ABI3BP: variants seen among roughly 807,000 people sequenced by gnomAD.
ABI3BP encodes the protein ABI family member 3 binding protein.
In ABI3BP, 216 loss-of-function variants were observed where a neutral mutation model predicts 268.6. The ratio of observed to expected loss-of-function variants is 0.80; its 90% confidence interval spans 0.72 to 0.90. The LOEUF (loss-of-function observed/expected upper bound fraction) is 0.90, where lower values mean the gene tolerates loss of function less well. Ranked by LOEUF, ABI3BP falls within the 40% of genes least tolerant of loss-of-function variation. ABI3BP has a pLI of 0.00. For missense variants in ABI3BP, 2,090 were observed against 2,182.4 expected, an observed-to-expected ratio of 0.96 and a Z score of 0.84; for synonymous variants, 730 against 730.0, an observed-to-expected ratio of 1.00 and a Z score of 0.00.
At chr3:100,775,081 C>T in intron 60 of ABI3BP, 126 bp downstream of exon 60, 1 of 1,113,754 alleles carries the variant, frequency 9.0e-7, no homozygotes, top group Non-Finnish European at 1.3e-6. Context: ...TTAAAAACAA[C>T]CATATTAATC....
At chr3:100,845,196 T>A (rs1390475965) in intron 20 of ABI3BP, among the ~76,000 whole-genome samples, 1 of 152,224 alleles carries the variant, frequency 6.6e-6, no homozygotes, top group Admixed American at 6.5e-5. Flanking sequence ...GATTTTTAAA[T>A]AAGTGTGTAT....
chr3:100,892,270 A>T (rs2045075163), intron 4 of ABI3BP, among the ~76,000 whole-genome samples: 1 of 152,220 alleles, frequency 6.6e-6, no homozygotes. Context: ...GGTATACTCC[A>T]GATGTGAGAT....
intron 1 of ABI3BP, among the ~76,000 whole-genome samples, chr3:100,945,212 T>A (rs1289221218): frequency 1.3e-5 from 2 of 152,142 alleles, no homozygotes; most frequent in African/African-American, 2.4e-5. Flanking sequence ...AGATAATTTT[T>A]TCACAGGTCT....
chr3:100,818,040 T>C (rs906625959), intron 41 of ABI3BP, among the ~76,000 whole-genome samples: 6 of 152,224 alleles, frequency 3.9e-5, no homozygotes, highest in African/African-American at 1.4e-4. Context: ...TATCCTATTA[T>C]GGAAGCCTCT....
At chr3:100,968,185 T>C (rs143767736) in intron 1 of ABI3BP, among the ~76,000 whole-genome samples, 257 of 152,292 alleles carry the variant, frequency 1.7e-3, no homozygotes, top group African/African-American at 5.8e-3. Context: ...CAGCTTTGAA[T>C]CCCAAAATCC....
chr3:100,876,569 A>G lies in ABI3BP; in HGVS notation c.697-9T>C. ...CTTGGGACATATGCTGGCTGCAAAG[A>G]GAAGAAGAAAGTCAACTTTTGAGTC... On this transcript the variant is annotated splice_polypyrimidine_tract_variant and intron_variant, in intron 6 of 67. Transcript: ENST00000471714. 9 of 1,612,206 alleles carry G rather than the reference A, an allele frequency of 5.6e-6. No homozygotes were observed. Among genetic ancestry groups the G allele is most frequent in the Non-Finnish European group, 7.6e-6 (9 of 1,178,846 alleles).
intron 1 of ABI3BP, among the ~76,000 whole-genome samples, chr3:100,965,002 G>A (rs1262709106): frequency 6.6e-6 from 1 of 151,842 alleles, no homozygotes; most frequent in East Asian, 1.9e-4. Flanking sequence ...ATAAATTTTT[G>A]TATTAATAAG....
chr3:100,751,613 A>G lies in ABI3BP; in HGVS notation c.5184T>C (p.Asp1728=), dbSNP rs1186359625. The G allele has an allele frequency of 1.2e-6, 2 of 1,602,234 alleles. No homozygotes were observed. Among genetic ancestry groups the G allele is most frequent in the African/African-American group, 1.3e-5 (1 of 74,744 alleles). The part of the protein sequence containing the change: ...GHGEDHCQFV[D]SFLDGRTGQQ... ...GCCCAGTGCGTCCATCTAAAAATGA[A>G]TCCACAAACTGGCAGTGATCTTCTC... The change falls in exon 67 of 68, where the codon GAT becomes GAC. Residue 1728 remains aspartate (D), a synonymous_variant. Coordinates refer to ENST00000471714, the MANE Select transcript of ABI3BP (RefSeq NM_001375547.2).
intron 4 of ABI3BP, among the ~76,000 whole-genome samples, chr3:100,898,122 C>T (rs2048552577): frequency 6.6e-6 from 1 of 152,132 alleles, no homozygotes; most frequent in South Asian, 2.1e-4. Flanking sequence ...TTTGTTCTTC[C>T]AAAGAAAATG....
rs2098506825 is a variant in ABI3BP at position 100,832,305 on chromosome 3, G to A, written c.2360C>T (p.Pro787Leu). ...TACTTCTGGATGGGGCGTGGTTTTA[G>A]GTTTGGGATGTGGACGACGGGTTCT... ...TKRTRRPHPK[P>L]KTTPHPEVPQ... Residue 787 changes from proline (P) to leucine (L), a missense_variant, in exon 31 of 68, where the codon CCT becomes CTT. Transcript: ENST00000471714. 1.3e-6 allele frequency: 2 copies of A among 1,535,446 alleles called. No homozygotes were observed. Among genetic ancestry groups the A allele is most frequent in the African/African-American group, 1.4e-5 (1 of 72,962 alleles).
chr3:100,752,664 G>C, intron 66 of ABI3BP, 123 bp downstream of exon 66: 1 of 1,031,176 alleles, frequency 9.7e-7, no homozygotes, highest in South Asian at 1.7e-5. Flanking sequence ...TTTGCTCAGA[G>C]GAAAACTTGT....
At chr3:100,897,065 C>CA (rs1260652853) in intron 4 of ABI3BP, among the ~76,000 whole-genome samples, 2 of 140,156 alleles carry the variant, frequency 1.4e-5, no homozygotes, top group Non-Finnish European at 3.1e-5. Flanking sequence ...TAAAACACTA[C>CA]AAAAAACATA....
Position 100,749,488 on chromosome 3 carries a change from C to T in ABI3BP, c.*1007G>A, listed in dbSNP as rs367708432. 2.8e-4 allele frequency: 109 copies of T among 395,008 alleles called. No homozygotes were observed. Among genetic ancestry groups the T allele is most frequent in the Admixed American group, 4.9e-4 (11 of 22,662 alleles). 24.5% of individuals were successfully genotyped at this position (395,008 alleles called of 1,614,324 possible). A position where few individuals can be genotyped will look rare whatever the true frequency, so the allele number is the denominator to read the frequency against. On this transcript the variant is annotated 3_prime_UTR_variant, in exon 68 of 68. Transcript: ENST00000471714. ...CAGTGCAGCAAGGATTCCCATTCCC[C>T]GCCTAAAGGACAATACCTTTTTAAT...
chr3:100,992,936 T>C (rs2093181538), intron 1 of ABI3BP, among the ~76,000 whole-genome samples: 1 of 152,234 alleles, frequency 6.6e-6, no homozygotes, highest in Non-Finnish European at 1.5e-5. Flanking sequence ...AAGCTAGTAC[T>C]GATTCAGTCT....
intron 6 of ABI3BP, among the ~76,000 whole-genome samples, chr3:100,880,156 A>G (rs976460637): frequency 2.6e-5 from 4 of 152,200 alleles, no homozygotes; most frequent in Non-Finnish European, 2.9e-5. Context: ...AATGTACATC[A>G]GAGTCACAGA....
chr3:100,772,488 A>G (rs1047317690), intron 61 of ABI3BP, among the ~76,000 whole-genome samples: 1 of 152,240 alleles, frequency 6.6e-6, no homozygotes, highest in African/African-American at 2.4e-5. Context: ...AAGCTATGCT[A>G]GTGTGAGGTT....
chr3:100,833,273 C>T, intron 29 of ABI3BP, 116 bp from the exon 30 acceptor site: 1 of 915,166 alleles, frequency 1.1e-6, no homozygotes, highest in Non-Finnish European at 1.6e-6. Context: ...GTTCTATAGC[C>T]ACAAAGCAAA....
chr3:100,876,470 T>G (rs1409275341), intron 7 of ABI3BP, 42 bp downstream of exon 7: 15 of 1,547,500 alleles, frequency 9.7e-6, no homozygotes, highest in African/African-American at 1.4e-5. Context: ...TAAAAGTATG[T>G]TAAAGATTGC....
In ABI3BP at chr3:100,841,194, C is replaced by CTTTTTTTTTTTTTTTTTTTTT. The variant is rs60261694; in HGVS notation, c.1766-357_1766-337dup. Among the ~76,000 whole-genome samples, 17 of 39,630 alleles carry CTTTTTTTTTTTTTTTTTTTTT rather than the reference C, an allele frequency of 4.3e-4. 5 individuals are homozygous for CTTTTTTTTTTTTTTTTTTTTT. The highest frequency in any genetic ancestry group is 2.0e-3 in the East Asian group (2 of 984). 26.0% of individuals were successfully genotyped at this position (39,630 alleles called of 152,430 possible). A position where few individuals can be genotyped will look rare whatever the true frequency, so the allele number is the denominator to read the frequency against. On this transcript the variant is annotated intron_variant, in intron 21 of 67. Coordinates refer to ENST00000471714, the MANE Select transcript of ABI3BP (RefSeq NM_001375547.2). ...AATTGGCTAAGATGGCATTAGAACA[C>CTTTTTTTTTTTTTTTTTTTTT]TTTTTTTTTTTTTTTTTTTTTTTTT...
Sources: gnomAD v4.1 joint callset for allele counts (sites outside exome capture counted in the v4.1 genomes callset) on GRCh38, gnomAD v4.1.1 for gene constraint, MANE v1.5 for transcripts, NCBI Gene and HGNC (gene_info 2026-07-23, HGNC 2026-07-21) for gene names.